The following FBN2 variants were observed in gnomAD, a reference collection of about 807,000 sequenced individuals.
FBN2 encodes the protein fibrillin-2.
A neutral mutation model predicts 355.6 loss-of-function variants in FBN2; 105 were observed. The ratio of observed to expected loss-of-function variants is 0.30; its 90% CI spans 0.25 to 0.35. The LOEUF is 0.35. Among genes scored for constraint, FBN2 ranks in the 10% least tolerant of loss-of-function variants. The pLI, the probability that FBN2 is intolerant of heterozygous loss-of-function variation, is 1.00. For synonymous variants in FBN2, 1,350 were observed against 1,301.2 expected (o/e 1.04, Z -0.81); for missense variants, 3,280 against 3,758.7 (o/e 0.87, Z 3.33).
intron 7 of FBN2, among the ~76,000 whole-genome samples, chr5:128,410,652 A>G (rs1561443378): frequency 6.6e-6 from 1 of 152,230 alleles, no homozygotes; most frequent in Non-Finnish European, 1.5e-5. Flanking sequence ...CTTCCTGACA[A>G]TAAAAAGAAC....
chr5:128,407,996 C>T (rs1752975335), intron 8 of FBN2, among the ~76,000 whole-genome samples: 1 of 152,168 alleles, frequency 6.6e-6, no homozygotes, highest in Non-Finnish European at 1.5e-5. Flanking sequence ...GTAAAGATAA[C>T]AGTGCCTCTT....
At chr5:128,312,384 T>A (rs1750079157) in intron 37 of FBN2, among the ~76,000 whole-genome samples, 1 of 152,228 alleles carries the variant, frequency 6.6e-6, no homozygotes, top group Non-Finnish European at 1.5e-5. Context: ...AGAACTGATA[T>A]TAGTACTATT....
intron 5 of FBN2, among the ~76,000 whole-genome samples, chr5:128,473,316 A>G (rs747965521): frequency 7.2e-5 from 11 of 152,252 alleles, no homozygotes; most frequent in Non-Finnish European, 1.6e-4. Flanking sequence ...GGTAAAAACA[A>G]TATCTTCTTG....
chr5:128,274,135 T>C (rs1765328774), intron 60 of FBN2, among the ~76,000 whole-genome samples, 167 bp from the exon 61 acceptor site: 1 of 152,180 alleles, frequency 6.6e-6, no homozygotes, highest in Non-Finnish European at 1.5e-5. Context: ...ACAAAAGTGG[T>C]AAGAAAAAGT....
intron 32 of FBN2, 26 bp downstream of exon 32, chr5:128,332,886 A>G (rs1032108710): frequency 1.2e-6 from 2 of 1,613,060 alleles, no homozygotes; most frequent in Non-Finnish European, 1.7e-6. Context: ...TGCCTTAGCA[A>G]AGGATATTTA....
At chr5:128,342,272 G>A (rs1751044070) in intron 25 of FBN2, among the ~76,000 whole-genome samples, 1 of 152,058 alleles carries the variant, frequency 6.6e-6, no homozygotes. Context: ...CTGCATAGAA[G>A]GATGATCAAG....
intron 34 of FBN2, among the ~76,000 whole-genome samples, chr5:128,327,453 G>A (rs1034123331): frequency 6.6e-6 from 1 of 152,130 alleles, no homozygotes; most frequent in Non-Finnish European, 1.5e-5. Context: ...GTTTGTGTGT[G>A]TATATGTGTG....
intron 5 of FBN2, 96 bp from the exon 6 acceptor site, chr5:128,465,017 T>C: frequency 8.5e-7 from 1 of 1,182,756 alleles, no homozygotes; most frequent in Non-Finnish European, 1.3e-6. Context: ...CTATTTCTTC[T>C]GACCAAAGTG....
chr5:128,389,858 C>A (rs558535878), intron 11 of FBN2, among the ~76,000 whole-genome samples: 1 of 152,290 alleles, frequency 6.6e-6, no homozygotes, highest in Admixed American at 6.5e-5. Flanking sequence ...CTACTTCAGT[C>A]CAGGGTCTGT....
intron 5 of FBN2, among the ~76,000 whole-genome samples, chr5:128,465,863 C>T (rs1038487499): frequency 2.0e-5 from 3 of 152,166 alleles, no homozygotes; most frequent in Non-Finnish European, 4.4e-5. Context: ...ACTTTGGGGC[C>T]GGGTAGAAAT....
At chr5:128,428,487 A>G in intron 7 of FBN2, among the ~76,000 whole-genome samples, 1 of 151,832 alleles carries the variant, frequency 6.6e-6, no homozygotes, top group East Asian at 1.9e-4. Flanking sequence ...GGGTGCCTCT[A>G]CCTCAGGGGC....
In FBN2 at chr5:128,309,080, T is replaced by C. The variant is rs539165478; in HGVS notation, c.5353+167A>G. Among the ~76,000 whole-genome samples, 53 of 152,346 alleles carry C rather than the reference T, an allele frequency of 3.5e-4. 2 individuals carry two copies. The highest frequency in any genetic ancestry group is 2.0e-3 in the Admixed American group (30 of 15,308). ...AACATAATGTCTCAGAAGTTAGTGT[T>C]TGAATCCCAAAGAGGATCACTTGGG... On this transcript the variant is annotated intron_variant, in intron 41 of 64. Transcript: ENST00000262464.
chr5:128,445,475 T>C (rs1754039910), intron 7 of FBN2, among the ~76,000 whole-genome samples: 1 of 152,232 alleles, frequency 6.6e-6, no homozygotes. Flanking sequence ...GCTGTTTATC[T>C]TCTATAATTA....
chr5:128,329,359 C>G (rs1750633354), intron 33 of FBN2, among the ~76,000 whole-genome samples: 1 of 151,992 alleles, frequency 6.6e-6, no homozygotes, highest in Admixed American at 6.5e-5. Flanking sequence ...ACTCACAGAC[C>G]TTAAAGATAA....
intron 52 of FBN2, among the ~76,000 whole-genome samples, chr5:128,288,883 G>GTT (rs1219092754): frequency 2.6e-5 from 4 of 152,208 alleles, no homozygotes. Context: ...TTTGGCAATT[G>GTT]TAAGTCTCTA....
chr5:128,507,775 T>C (rs1357080143), intron 5 of FBN2, among the ~76,000 whole-genome samples: 1 of 152,116 alleles, frequency 6.6e-6, no homozygotes, highest in African/African-American at 2.4e-5. Flanking sequence ...CAAAGTGTTC[T>C]ATAAATATTA....
At chr5:128,319,061 A>G in intron 34 of FBN2, 60 bp from the exon 35 acceptor site, 5 of 1,346,270 alleles carry the variant, frequency 3.7e-6, no homozygotes, top group Non-Finnish European at 5.3e-6. Flanking sequence ...ATTTTAATGT[A>G]ATGTCTAACA....
Position 128,364,560 on chromosome 5 carries a change from T to C in FBN2, c.2428+40A>G, listed in dbSNP as rs201303059. 7.3e-5 allele frequency: 116 copies of C among 1,588,000 alleles called. No individual in the cohort carries two copies. The East Asian group carries it at 1.3e-3, about 17-fold the overall frequency. On this transcript the variant is annotated intron_variant, in intron 18 of 64. Transcript: ENST00000262464. ...TCTAATATAATCCATGGGATTAAAC[T>C]ATATGAAATGTTCTTGCATAAATAT...
intron 52 of FBN2, 131 bp downstream of exon 52, chr5:128,288,996 A>T: frequency 1.1e-6 from 1 of 876,172 alleles, no homozygotes; most frequent in Non-Finnish European, 1.9e-6. Flanking sequence ...CTGGTGAAGA[A>T]GGTGCCACTA....
Sources: gnomAD v4.1 joint callset for allele counts (sites outside exome capture counted in the v4.1 genomes callset) on GRCh38, gnomAD v4.1.1 for gene constraint, MANE v1.5 for transcripts, NCBI Gene and HGNC (gene_info 2026-07-23, HGNC 2026-07-21) for gene names.